LRRC27: variants seen among roughly 807,000 people sequenced by gnomAD.
LRRC27 encodes leucine-rich repeat-containing protein 27.
In LRRC27, 57 loss-of-function variants were observed where a neutral mutation model predicts 55.0. The observed-to-expected ratio is 1.04, with a 90% CI of 0.84 to 1.29. The LOEUF (loss-of-function observed/expected upper bound fraction) is 1.29. Among genes scored for constraint, LRRC27 ranks in the 50% most tolerant of loss-of-function variants. The pLI, the probability that LRRC27 is intolerant of heterozygous loss-of-function variation, is 0.00. For missense variants in LRRC27, 721 were observed against 651.5 expected (o/e 1.11, Z -1.16); for synonymous variants, 278 against 251.9 (o/e 1.10, Z -0.98).
At position 132,342,257 on chromosome 10, in the gene LRRC27, T is replaced by TA; in HGVS notation, c.387dup (p.Pro130ThrfsTer61). On this transcript the variant is annotated frameshift_variant, in exon 4 of 11. Coordinates refer to ENST00000368614, the MANE Select transcript of LRRC27 (RefSeq NM_030626.3). LOFTEE classifies it high-confidence loss of function. ...TTAGAAAGAAATCCTATCAAAATGT[T>TA]ACCTGTGGAGCTGGGTAAGTATAAA... is the stretch of plus-strand genomic sequence containing the variant. The TA allele has an allele frequency of 5.1e-6, 8 of 1,554,062 alleles. No individual in the cohort carries two copies. The highest frequency in any genetic ancestry group is 7.0e-6 in the Non-Finnish European group (8 of 1,147,380).
intron 3 of LRRC27, among the ~76,000 whole-genome samples, chr10:132,341,053 T>A (rs1056587042): frequency 5.3e-4 from 81 of 152,274 alleles, no homozygotes; most frequent in African/African-American, 1.8e-3. Context: ...CCCAGCACTT[T>A]GAGAGGCTGA....
chr10:132,349,016 G>C (rs372811294), intron 6 of LRRC27: 31 of 1,611,198 alleles, frequency 1.9e-5, no homozygotes, highest in Non-Finnish European at 2.5e-5. Context: ...AGAAAAACTC[G>C]AATCATGGGC....
chr10:132,361,242 G>C (rs1009734089), intron 8 of LRRC27, among the ~76,000 whole-genome samples: 2 of 152,234 alleles, frequency 1.3e-5, no homozygotes, highest in Non-Finnish European at 2.9e-5. Context: ...CTGTCAGGGA[G>C]GCCCCAGAAA....
rs571200831 is a variant in LRRC27, at chr10:132,348,635, G to A, written c.926+279G>A. Among the ~76,000 whole-genome samples the A allele has an allele frequency of 3.3e-5, 5 of 152,218 alleles. No homozygotes were observed. The highest frequency in any genetic ancestry group is 5.9e-5 in the Non-Finnish European group (4 of 68,046). ...TAAGCGACAGTGAGATCTGTGGCCT[G>A]TGCTTTCTCCAGAGAGAGCTTTGAG... On this transcript the variant is annotated intron_variant, in intron 6 of 10. Transcript: ENST00000368614. The surrounding 1 kb of genome is among the most constrained non-coding windows in gnomAD (Gnocchi z 4.2).
At chr10:132,352,057 C>T (rs1471242527) in intron 7 of LRRC27, among the ~76,000 whole-genome samples, 1 of 94,456 alleles carries the variant, frequency 1.1e-5, no homozygotes, top group African/African-American at 4.7e-5. Flanking sequence ...CTGAGGCCTC[C>T]GTGTGGGGCA....
At chr10:132,354,680 G>A (rs2132981453) in intron 7 of LRRC27, among the ~76,000 whole-genome samples, 1 of 152,386 alleles carries the variant, frequency 6.6e-6, no homozygotes, top group Admixed American at 6.5e-5. Context: ...GGTGGGCCGT[G>A]GGCCGGGTAG....
chr10:132,344,437 C>T (rs2067573794), intron 4 of LRRC27, 61 bp from the exon 5 acceptor site: 1 of 1,494,420 alleles, frequency 6.7e-7, no homozygotes, highest in African/African-American at 1.4e-5. Context: ...TTATTTATTC[C>T]TCATTTTCAT....
In LRRC27 at chr10:132,375,722, C is replaced by G. The variant is rs1590742413; in HGVS notation, c.*480C>G. 1 of 153,216 alleles carries G rather than the reference C, an allele frequency of 6.5e-6. No individual in the cohort carries two copies. The highest frequency in any genetic ancestry group is 2.4e-5 in the African/African-American group (1 of 41,568). 9.5% of individuals were successfully genotyped at this position (153,216 alleles called of 1,614,324 possible). ...GCTTCGGGGGAGTGGTTACCCTGCT[C>G]CCTGCCCAGTGACAAGCCCTCCTTT... On this transcript the variant is annotated 3_prime_UTR_variant, in exon 11 of 11. Coordinates refer to ENST00000368614, the MANE Select transcript of LRRC27 (RefSeq NM_030626.3).
chr10:132,336,965 C>T (rs1012527234), intron 2 of LRRC27: 1 of 669,486 alleles, frequency 1.5e-6, no homozygotes, highest in Non-Finnish European at 2.4e-6. Context: ...CGTTCATCTT[C>T]CACCTTCCCT....
chr10:132,370,335 C>A (rs995243979), intron 10 of LRRC27, among the ~76,000 whole-genome samples: 2 of 152,212 alleles, frequency 1.3e-5, no homozygotes, highest in African/African-American at 4.8e-5. Flanking sequence ...TGCTATGTCA[C>A]CCTGCCCAGG....
intron 10 of LRRC27, chr10:132,366,751 C>A: frequency 1.0e-6 from 1 of 992,698 alleles, no homozygotes; most frequent in Non-Finnish European, 1.3e-6. Context: ...GCACGCAGCA[C>A]TGTCACGGGG....
At chr10:132,371,873 G>C (rs539190886) in intron 10 of LRRC27, among the ~76,000 whole-genome samples, 1 of 152,308 alleles carries the variant, frequency 6.6e-6, no homozygotes, top group East Asian at 1.9e-4. Flanking sequence ...TCTCTGGTGG[G>C]GGTGCTGTCC....
At chr10:132,363,350 G>A (rs1450783818) in intron 9 of LRRC27, among the ~76,000 whole-genome samples, 2 of 152,216 alleles carry the variant, frequency 1.3e-5, no homozygotes, top group Non-Finnish European at 2.9e-5. Flanking sequence ...TTCTATAGCT[G>A]GGTTAGTGGC....
intron 10 of LRRC27, among the ~76,000 whole-genome samples, chr10:132,369,537 G>C (rs995177939): frequency 1.3e-5 from 2 of 151,906 alleles, no homozygotes; most frequent in African/African-American, 4.8e-5. Context: ...TGGCCCGGGT[G>C]GGGGTAGTAG....
chr10:132,337,509 T>C (rs1037700904), intron 2 of LRRC27, 56 bp from the exon 3 acceptor site: 48 of 1,601,470 alleles, frequency 3.0e-5, no homozygotes, highest in Non-Finnish European at 3.8e-5. Context: ...GGATATATCA[T>C]GTTTTACAAA....
chr10:132,346,233 C>T (rs2067679849), intron 5 of LRRC27, among the ~76,000 whole-genome samples: 1 of 152,170 alleles, frequency 6.6e-6, no homozygotes, highest in South Asian at 2.1e-4. Flanking sequence ...GGTGTTATTG[C>T]AACTTTTCTG....
At chr10:132,364,532 CA>C (rs2068894045) in intron 9 of LRRC27, among the ~76,000 whole-genome samples, 1 of 110,650 alleles carries the variant, frequency 9.0e-6, no homozygotes, top group Non-Finnish European at 1.8e-5. Context: ...CTTACACCCA[CA>C]CTTAAATCTA....
intron 8 of LRRC27, among the ~76,000 whole-genome samples, chr10:132,361,176 C>T (rs536634862): frequency 6.6e-6 from 1 of 152,298 alleles, no homozygotes; most frequent in African/African-American, 2.4e-5. Context: ...GGGCAGCCTT[C>T]CGAGCTACCC....
Position 132,380,664 on chromosome 10 carries a change from AAAG to A in LRRC27, c.*5423_*5425del, listed in dbSNP as rs1484033353. 6.6e-6 allele frequency among the ~76,000 whole-genome samples: 1 copy of A among 152,222 alleles called. No homozygotes were observed. Among genetic ancestry groups the A allele is most frequent in the Non-Finnish European group, 1.5e-5 (1 of 68,046 alleles). ...ACAGAGTGAGACCCCAACTTGAAAA[AAAG>A]GGGACATCGGGATGTTCTTGTGTAT... On this transcript the variant is annotated 3_prime_UTR_variant, in exon 11 of 11. Transcript: ENST00000368614.
Sources: allele counts gnomAD v4.1 joint callset (sites outside exome capture counted in the v4.1 genomes callset), GRCh38; gene constraint gnomAD v4.1.1; non-coding constraint Gnocchi (gnomAD v3.1); transcripts MANE v1.5; gene names NCBI Gene and HGNC (gene_info 2026-07-23, HGNC 2026-07-21).